The following ZNF765 variants were observed in gnomAD, a reference collection of about 807,000 sequenced individuals.
ZNF765 encodes the protein zinc finger protein 765.
Under a neutral mutation model 44.7 loss-of-function variants are expected in ZNF765, and 37 were observed. The ratio of observed to expected loss-of-function variants is 0.83; its 90% confidence interval spans 0.64 to 1.09. ZNF765 has a LOEUF of 1.09. Among genes scored for constraint, ZNF765 ranks in the 50% least tolerant of loss-of-function variants. The pLI, the probability that ZNF765 is intolerant of heterozygous loss-of-function variation, is 0.00. For synonymous variants in ZNF765, 201 were observed against 213.7 expected (o/e 0.94, Z 0.52); for missense variants, 594 against 626.1 (o/e 0.95, Z 0.55).
chr19:53,419,604 CG>C (rs1276489844), intron 3 of ZNF765, among the ~76,000 whole-genome samples: 1 of 152,170 alleles, frequency 6.6e-6, no homozygotes, highest in African/African-American at 2.4e-5. Context: ...CACAACAATT[CG>C]GTAAGTTGGT....
At chr19:53,401,792 T>C in intron 2 of ZNF765, 1 of 728,316 alleles carries the variant, frequency 1.4e-6, no homozygotes, top group Non-Finnish European at 2.2e-6. Flanking sequence ...AGGAGAATCG[T>C]TTGATCCTGG....
At chr19:53,419,745 C>T (rs1018030940) in intron 3 of ZNF765, among the ~76,000 whole-genome samples, 1 of 152,108 alleles carries the variant, frequency 6.6e-6, no homozygotes, top group East Asian at 1.9e-4. Flanking sequence ...GTGGCCGGGG[C>T]AGTGGCTCAC....
At position 53,410,028 on chromosome 19, in the gene ZNF765, A is replaced by C. The variant is rs2085818975; in HGVS notation, c.*901A>C. 2.0e-6 allele frequency: 1 copy of C among 494,508 alleles called. No individual in the cohort carries two copies. The highest frequency in any genetic ancestry group is 4.1e-6 in the Non-Finnish European group (1 of 245,958). The allele number at this position is 494,508 out of a possible 1,614,324, so 30.6% of individuals were successfully genotyped here. On this transcript the variant is annotated 3_prime_UTR_variant, in exon 4 of 4. Transcript: ENST00000396408. Reference sequence around the variant, plus strand: ...TGTGATAAATGCAGAATAAATGCAGAAAATTTTTCAGACATCCTTCATACC... The same window carrying C: ...TGTGATAAATGCAGAATAAATGCAGCAAATTTTTCAGACATCCTTCATACC...
In ZNF765 at chr19:53,409,962, C is replaced by A; in HGVS notation, c.*835C>A. On this transcript the variant is annotated 3_prime_UTR_variant, in exon 4 of 4. Coordinates refer to ENST00000396408, the MANE Select transcript of ZNF765 (RefSeq NM_001040185.3). ...GTCTTGAGTAATGCTACAACTATTG[C>A]AAATCATTGGAGAATCCATAATGAA... is the stretch of plus-strand genomic sequence containing the variant. 1.8e-6 allele frequency: 1 copy of A among 564,380 alleles called. No homozygotes were observed. Among genetic ancestry groups the A allele is most frequent in the African/African-American group, 1.9e-5 (1 of 53,142 alleles). 35.0% of individuals were successfully genotyped at this position (564,380 alleles called of 1,614,324 possible). A position where few individuals can be genotyped will look rare whatever the true frequency, so the allele number is the denominator to read the frequency against.
intron 2 of ZNF765, chr19:53,401,815 G>A: frequency 9.9e-6 from 9 of 906,654 alleles, no homozygotes; most frequent in Non-Finnish European, 1.5e-5. Context: ...CTTGGAGGTT[G>A]CATTGAGCAG....
chr19:53,402,512 G>T (rs1260555832), intron 3 of ZNF765, among the ~76,000 whole-genome samples: 1 of 151,822 alleles, frequency 6.6e-6, no homozygotes, highest in Non-Finnish European at 1.5e-5. Flanking sequence ...CACACACCTC[G>T]GCCTCCCAAA....
At chr19:53,414,674 A>G (rs1472481214), downstream of ZNF765, among the ~76,000 whole-genome samples, 3 of 150,162 alleles carry the variant, frequency 2.0e-5, no homozygotes, top group Non-Finnish European at 4.4e-5. Flanking sequence ...CTGGGTGCGC[A>G]TTTGTTGGGA....
chr19:53,401,487 G>C (rs977596432), intron 2 of ZNF765, among the ~76,000 whole-genome samples: 25 of 151,738 alleles, frequency 1.6e-4, no homozygotes, highest in South Asian at 4.2e-4. Flanking sequence ...GGCGTGAACC[G>C]GGGAGGCGGA....
chr19:53,426,743 C>A (rs2085942132), exon 4 of ZNF765: 1 of 151,680 alleles, frequency 6.6e-6, no homozygotes, highest in African/African-American at 2.4e-5. Flanking sequence ...GCCTGATGAT[C>A]TCAGGTGGAA....
downstream of ZNF765, chr19:53,413,130 T>C: frequency 4.3e-6 from 2 of 460,874 alleles, no homozygotes; most frequent in Non-Finnish European, 8.2e-6. Flanking sequence ...AAAAAAAAGA[T>C]GTCAAGCCTC....
chr19:53,418,910 G>GAAAAAAAAAAAAAAAAAAAAAAAAAAAA (rs34443506), intron 3 of ZNF765, among the ~76,000 whole-genome samples: 1 of 96,856 alleles, frequency 1.0e-5, no homozygotes. Context: ...GTTGTGGGAG[G>GAAAAAAAAAAAAAAAAAAAAAAAAAAAA]AAAAAAAAAA....
At position 53,410,560 on chromosome 19, in the gene ZNF765, C is replaced by A; in HGVS notation, c.*1433C>A. 2.4e-6 allele frequency: 1 copy of A among 424,302 alleles called. No homozygotes were observed. The highest frequency in any genetic ancestry group is 2.0e-5 in the South Asian group (1 of 50,008). The allele number at this position is 424,302 out of a possible 1,614,324, so 26.3% of individuals were successfully genotyped here. Reference sequence around the variant, plus strand: ...TGGGCAGTCAACACTTGTTTACCATCAGGCAATCCATGGTGTAGGGAAACT... The same window carrying A: ...TGGGCAGTCAACACTTGTTTACCATAAGGCAATCCATGGTGTAGGGAAACT... On this transcript the variant is annotated 3_prime_UTR_variant, in exon 4 of 4. Coordinates refer to ENST00000396408, the MANE Select transcript of ZNF765 (RefSeq NM_001040185.3).
chr19:53,400,855 C>A (rs574946822), intron 2 of ZNF765, among the ~76,000 whole-genome samples: 1 of 149,642 alleles, frequency 6.7e-6, no homozygotes, highest in Non-Finnish European at 1.5e-5. Context: ...TGTTTTGAGA[C>A]TGGGTCTTAC....
At chr19:53,396,528 A>G (rs1160374805) in intron 1 of ZNF765, among the ~76,000 whole-genome samples, 2 of 152,228 alleles carry the variant, frequency 1.3e-5, no homozygotes, top group Non-Finnish European at 2.9e-5. Flanking sequence ...GTGGCCTTGC[A>G]TAGCTGGTGG....
At chr19:53,413,633 C>A (rs1159146189), downstream of ZNF765, among the ~76,000 whole-genome samples, 2 of 140,144 alleles carry the variant, frequency 1.4e-5, no homozygotes, top group African/African-American at 5.4e-5. Flanking sequence ...TCCACTGGGT[C>A]AGTGGATCAC....
intron 2 of ZNF765, 106 bp from the exon 3 acceptor site, chr19:53,401,959 A>G (rs1385341387): frequency 1.9e-6 from 3 of 1,611,048 alleles, no homozygotes; most frequent in Non-Finnish European, 8.5e-7. Flanking sequence ...TTGTTAGAAC[A>G]TTCACTGCAT....
intron 3 of ZNF765, among the ~76,000 whole-genome samples, chr19:53,419,703 C>T (rs1370673696): frequency 6.6e-6 from 1 of 152,166 alleles, no homozygotes; most frequent in African/African-American, 2.4e-5. Context: ...CCTAAATAGA[C>T]ACAATTATTG....
chr19:53,417,615 C>T (rs1051158371), intron 3 of ZNF765, among the ~76,000 whole-genome samples: 1 of 152,116 alleles, frequency 6.6e-6, no homozygotes, highest in Non-Finnish European at 1.5e-5. Flanking sequence ...TACAATAGAA[C>T]AATTTATATT....
chr19:53,397,171 A>G (rs759291164), intron 1 of ZNF765, among the ~76,000 whole-genome samples: 2 of 152,170 alleles, frequency 1.3e-5, no homozygotes, highest in Non-Finnish European at 2.9e-5. Flanking sequence ...CAGCCTTCCT[A>G]TTGTCATTGA....
Sources: gnomAD v4.1 joint callset for allele counts (sites outside exome capture counted in the v4.1 genomes callset) on GRCh38, gnomAD v4.1.1 for gene constraint, MANE v1.5 for transcripts, NCBI Gene and HGNC (gene_info 2026-07-23, HGNC 2026-07-21) for gene names.